The following HDHD2 variants were observed in gnomAD, a reference collection of about 807,000 sequenced individuals.
HDHD2 encodes haloacid dehalogenase-like hydrolase domain-containing protein 2.
A neutral mutation model predicts 24.8 loss-of-function variants in HDHD2; 26 were observed. The observed-to-expected ratio is 1.05, with a 90% CI of 0.77 to 1.45. The LOEUF is 1.45. Ranked by LOEUF, HDHD2 falls within the 40% of genes most tolerant of loss-of-function variation. The pLI, the probability that HDHD2 is intolerant of heterozygous loss-of-function variation, is 0.00. For synonymous variants in HDHD2, 128 were observed against 114.9 expected, an observed-to-expected ratio of 1.11 and a Z score of -0.73; for missense variants, 299 against 313.4, an observed-to-expected ratio of 0.95 and a Z score of 0.35.
intron 2 of HDHD2, among the ~76,000 whole-genome samples, 189 bp from the exon 3 acceptor site, chr18:47,134,893 T>C (rs1316120574): frequency 6.6e-6 from 1 of 152,222 alleles, no homozygotes; most frequent in Non-Finnish European, 1.5e-5. Flanking sequence ...GTTCACCAGA[T>C]GTAAAAAGAT....
At chr18:47,123,338 A>C (rs1183869610) in intron 4 of HDHD2, among the ~76,000 whole-genome samples, 1 of 152,200 alleles carries the variant, frequency 6.6e-6, no homozygotes, top group Non-Finnish European at 1.5e-5. Flanking sequence ...CTGTAATCCC[A>C]GCACTTTGGG....
At chr18:47,143,287 T>C (rs1402176090) in intron 1 of HDHD2, among the ~76,000 whole-genome samples, 1 of 152,064 alleles carries the variant, frequency 6.6e-6, no homozygotes. Context: ...CCCCCATCTC[T>C]ATAAAAAATA....
intron 4 of HDHD2, among the ~76,000 whole-genome samples, chr18:47,118,216 G>A (rs1326714766): frequency 1.3e-5 from 2 of 152,060 alleles, no homozygotes; most frequent in Non-Finnish European, 2.9e-5. Flanking sequence ...CAAAGCCCTA[G>A]AACCAGAAAT....
intron 1 of HDHD2, among the ~76,000 whole-genome samples, chr18:47,141,630 G>T (rs144759173): frequency 1.1e-4 from 16 of 150,384 alleles, no homozygotes; most frequent in African/African-American, 3.9e-4. Flanking sequence ...TGTGCCATAA[G>T]CTAATACTAT....
chr18:47,121,134 C>T (rs1038566441), intron 4 of HDHD2, among the ~76,000 whole-genome samples: 1 of 151,056 alleles, frequency 6.6e-6, no homozygotes, highest in African/African-American at 2.4e-5. Flanking sequence ...AAGTGAAGCG[C>T]GATAATGCAA....
At chr18:47,133,824 GTTGT>G (rs2063736927) in intron 3 of HDHD2, among the ~76,000 whole-genome samples, 1 of 151,392 alleles carries the variant, frequency 6.6e-6, no homozygotes, top group Admixed American at 6.6e-5. Context: ...TTTTGATGGG[GTTGT>G]TTTTTTCTTG....
chr18:47,137,156 T>G, intron 1 of HDHD2: 2 of 721,066 alleles, frequency 2.8e-6, no homozygotes, highest in Non-Finnish European at 5.2e-6. Flanking sequence ...AATGAAAGAC[T>G]ATTGTGAATG....
intron 1 of HDHD2, among the ~76,000 whole-genome samples, chr18:47,148,724 T>TA (rs977837770): frequency 6.6e-6 from 1 of 152,240 alleles, no homozygotes; most frequent in Non-Finnish European, 1.5e-5. Context: ...TATATCCACT[T>TA]ACTTCTCTTC....
chr18:47,116,939 T>A (rs151125320), intron 4 of HDHD2, among the ~76,000 whole-genome samples: 1 of 152,352 alleles, frequency 6.6e-6, no homozygotes, highest in East Asian at 1.9e-4. Flanking sequence ...GGCAGTACTT[T>A]AGTGCCTTCC....
intron 4 of HDHD2, among the ~76,000 whole-genome samples, chr18:47,118,415 C>T (rs1032684828): frequency 7.2e-5 from 11 of 152,116 alleles, no homozygotes; most frequent in East Asian, 5.8e-4. Context: ...GAATACTATG[C>T]GGCAATAAAA....
At chr18:47,109,800 T>G (rs62096466) in intron 6 of HDHD2, 13,503 of 193,932 alleles carry the variant, frequency 0.07, 555 homozygotes, top group East Asian at 0.13. Flanking sequence ...CAACAATTTG[T>G]AATTATGCAT....
intron 1 of HDHD2, among the ~76,000 whole-genome samples, chr18:47,146,582 G>A (rs550461215): frequency 2.0e-5 from 3 of 152,186 alleles, no homozygotes; most frequent in African/African-American, 7.2e-5. Flanking sequence ...CCAGAAAATG[G>A]AAACAATACA....
At chr18:47,111,488 A>T in intron 6 of HDHD2, 6 of 985,338 alleles carry the variant, frequency 6.1e-6, no homozygotes, top group Non-Finnish European at 7.2e-6. Flanking sequence ...AAAGGCAGGA[A>T]TCTGAAAACA....
At chr18:47,145,679 G>C (rs900109266) in intron 1 of HDHD2, among the ~76,000 whole-genome samples, 1 of 152,136 alleles carries the variant, frequency 6.6e-6, no homozygotes, top group East Asian at 1.9e-4. Context: ...TTTTAGATAG[G>C]AGAGTATCTT....
At chr18:47,149,420 C>A (rs1013090980) in intron 1 of HDHD2, among the ~76,000 whole-genome samples, 22 of 152,054 alleles carry the variant, frequency 1.4e-4, no homozygotes, top group African/African-American at 4.8e-4. Flanking sequence ...CAATAAATGA[C>A]GGTATTATTC....
intron 4 of HDHD2, among the ~76,000 whole-genome samples, chr18:47,120,533 T>C (rs1236678319): frequency 6.6e-6 from 1 of 152,214 alleles, no homozygotes; most frequent in Non-Finnish European, 1.5e-5. Flanking sequence ...TTCTCCGTAT[T>C]AGTGATAAGG....
chr18:47,142,098 A>G (rs897735570), intron 1 of HDHD2, among the ~76,000 whole-genome samples: 3 of 152,210 alleles, frequency 2.0e-5, no homozygotes, highest in African/African-American at 7.2e-5. Context: ...TTGTGAGTCC[A>G]TTAAACATCT....
At chr18:47,118,517 T>C (rs984806986) in intron 4 of HDHD2, among the ~76,000 whole-genome samples, 1 of 152,114 alleles carries the variant, frequency 6.6e-6, no homozygotes, top group South Asian at 2.1e-4. Flanking sequence ...CACTTATAAG[T>C]GGGAGCCGAG....
chr18:47,133,918 C>T lies in HDHD2; in HGVS notation c.310+578G>A, dbSNP rs183406850. Among the ~76,000 whole-genome samples the T allele has an allele frequency of 2.2e-3, 329 of 152,238 alleles. 2 individuals carry two copies. The highest frequency in any genetic ancestry group is 7.6e-3 in the African/African-American group (314 of 41,552). On this transcript the variant is annotated intron_variant, in intron 3 of 6. Transcript: ENST00000300605. ...CAGATTGCAAAAATTTTCTCCCATT[C>T]TGTAGGTTGCCTGTTCACTCTGATG...
Sources: gnomAD v4.1 joint callset for allele counts (sites outside exome capture counted in the v4.1 genomes callset) on GRCh38, gnomAD v4.1.1 for gene constraint, MANE v1.5 for transcripts, NCBI Gene and HGNC (gene_info 2026-07-23, HGNC 2026-07-21) for gene names.